The following CNTN5 variants were observed in gnomAD, a reference collection of about 807,000 sequenced individuals.
CNTN5 encodes contactin 5, also known as contactin-5.
CNTN5 carries 77 observed loss-of-function variants against 129.1 expected under a neutral mutation model. That is an observed-to-expected ratio of 0.60 (90% CI 0.50 to 0.72). The LOEUF (loss-of-function observed/expected upper bound fraction) is 0.72. Ranked by LOEUF, CNTN5 falls within the 30% of genes least tolerant of loss-of-function variation. The pLI is 0.00. For missense variants in CNTN5, 1,478 were observed against 1,328.8 expected (o/e 1.11, Z -1.75); for synonymous variants, 509 against 465.6 (o/e 1.09, Z -1.20).
At chr11:99,540,150 C>T (rs531932251) in intron 2 of CNTN5, among the ~76,000 whole-genome samples, 1 of 151,912 alleles carries the variant, frequency 6.6e-6, no homozygotes, top group African/African-American at 2.4e-5. Context: ...AGACAAGATA[C>T]CTGTAGAGTA....
chr11:99,759,229 A>G (rs1944498793), intron 3 of CNTN5, among the ~76,000 whole-genome samples: 1 of 152,062 alleles, frequency 6.6e-6, no homozygotes, highest in South Asian at 2.1e-4. Context: ...TCATGAGGGG[A>G]AGGTGTGTGT....
rs1194864436 is a variant in CNTN5, at chr11:99,765,862, C to A, written c.56-53682C>A. Among the ~76,000 whole-genome samples the A allele has an allele frequency of 2.6e-5, 4 of 151,824 alleles. No individual in the cohort carries two copies. The East Asian group carries it at 7.7e-4, about 29-fold the overall frequency. Reference sequence around the variant, plus strand: ...GATATGAAGAACATGGATCTGTATTCTGGTGACATTAAATAAGAGTAGCCT... The same window carrying A: ...GATATGAAGAACATGGATCTGTATTATGGTGACATTAAATAAGAGTAGCCT... On this transcript the variant is annotated intron_variant, in intron 3 of 24. Transcript: ENST00000524871.
intron 13 of CNTN5, among the ~76,000 whole-genome samples, chr11:100,123,841 G>A (rs1182583013): frequency 6.6e-6 from 1 of 151,862 alleles, no homozygotes; most frequent in Non-Finnish European, 1.5e-5. Context: ...GTACTCACTA[G>A]GGTTAAGGTA....
At chr11:99,873,321 C>T (rs1948551184) in intron 6 of CNTN5, among the ~76,000 whole-genome samples, 1 of 150,994 alleles carries the variant, frequency 6.6e-6, no homozygotes, top group African/African-American at 2.4e-5. Flanking sequence ...AAAATGATGC[C>T]TCAGGATAAA....
chr11:99,248,419 T>G (rs1457320391), intron 1 of CNTN5, among the ~76,000 whole-genome samples: 1 of 152,220 alleles, frequency 6.6e-6, no homozygotes, highest in Non-Finnish European at 1.5e-5. Context: ...GGTGGCCTGT[T>G]CACTCTGATG....
chr11:99,140,777 T>G (rs1459643965), intron 1 of CNTN5, among the ~76,000 whole-genome samples: 2 of 152,176 alleles, frequency 1.3e-5, no homozygotes, highest in Non-Finnish European at 2.9e-5. Context: ...TTAGTTTTGT[T>G]TATGGGATGA....
In CNTN5 at chr11:100,023,071, T is replaced by C. The variant is rs559748303; in HGVS notation, c.980+20935T>C. On this transcript the variant is annotated intron_variant, in intron 9 of 24. Coordinates refer to ENST00000524871, the MANE Select transcript of CNTN5 (RefSeq NM_014361.4). ...AGCCAAAATTTTTGACCATTGTTTT[T>C]TCAAGGAAGTTTTTCTATTCTCCTG... 1.3e-3 allele frequency among the ~76,000 whole-genome samples: 193 copies of C among 152,296 alleles called. 1 individual carries two copies. The highest frequency in any genetic ancestry group is 4.5e-3 in the African/African-American group (188 of 41,578).
At chr11:99,432,439 C>CTTTTCTTTTCTTTTCTTTTCTTTT (rs1943412174) in intron 2 of CNTN5, among the ~76,000 whole-genome samples, 34 of 113,288 alleles carry the variant, frequency 3.0e-4, no homozygotes, top group African/African-American at 1.0e-3. Context: ...CCTTTTCTTT[C>CTTTTCTTTTCTTTTCTTTTCTTTT]CTTTTCTTTT....
At chr11:99,912,388 C>T (rs965946490) in intron 6 of CNTN5, among the ~76,000 whole-genome samples, 24 of 151,918 alleles carry the variant, frequency 1.6e-4, no homozygotes, top group African/African-American at 5.6e-4. Flanking sequence ...GTGACCCAGA[C>T]TCCTGTGAGC....
chr11:99,844,842 G>A lies in CNTN5; in HGVS notation c.278-10G>A, dbSNP rs199762583. 4.4e-6 allele frequency: 7 copies of A among 1,606,726 alleles called. No homozygotes were observed. Among genetic ancestry groups the A allele is most frequent in the Non-Finnish European group, 5.9e-6 (7 of 1,177,012 alleles). ...AGGAAATTTAAAATGTGTCTGTTTT[G>A]TCTTTACAGAAAGTGTGGACTATGG... On this transcript the variant is annotated splice_polypyrimidine_tract_variant and intron_variant, in intron 4 of 24. Transcript: ENST00000524871.
intron 1 of CNTN5, among the ~76,000 whole-genome samples, chr11:99,190,798 A>T (rs1455085689): frequency 6.6e-6 from 1 of 151,408 alleles, no homozygotes; most frequent in African/African-American, 2.4e-5. Context: ...TGGAGTCTTT[A>T]GGGATTTCTA....
intron 6 of CNTN5, among the ~76,000 whole-genome samples, chr11:99,911,401 T>C (rs1465149447): frequency 1.3e-5 from 2 of 151,946 alleles, no homozygotes; most frequent in Admixed American, 1.3e-4. Flanking sequence ...TTGCCACTTA[T>C]TCAGAACAGA....
intron 1 of CNTN5, among the ~76,000 whole-genome samples, chr11:99,085,195 C>A (rs1038124009): frequency 6.6e-6 from 1 of 151,388 alleles, no homozygotes; most frequent in African/African-American, 2.4e-5. Flanking sequence ...CAGGCAGGTA[C>A]CCCCACGCCC....
chr11:100,079,296 A>C (rs375173909), intron 13 of CNTN5, among the ~76,000 whole-genome samples: 119 of 152,308 alleles, frequency 7.8e-4, no homozygotes, highest in African/African-American at 2.6e-3. Flanking sequence ...GGAAATGCTT[A>C]CCATTCTCCT....
chr11:100,087,934 T>C (rs1411567061), intron 13 of CNTN5, among the ~76,000 whole-genome samples: 1 of 151,464 alleles, frequency 6.6e-6, no homozygotes, highest in African/African-American at 2.4e-5. Flanking sequence ...GGAATAAAAA[T>C]AGAAATTAAT....
chr11:99,412,710 T>G (rs1203658882), intron 2 of CNTN5, among the ~76,000 whole-genome samples: 1 of 152,246 alleles, frequency 6.6e-6, no homozygotes, highest in African/African-American at 2.4e-5. Context: ...ACACTCATTG[T>G]GAACTCAATT....
chr11:99,669,441 GGT>G lies in CNTN5; in HGVS notation c.55+113203_55+113204del, dbSNP rs767426378. 8.5e-3 allele frequency among the ~76,000 whole-genome samples: 898 copies of G among 105,964 alleles called. 20 individuals carry two copies. Among genetic ancestry groups the G allele is most frequent in the African/African-American group, 0.024 (717 of 29,542 alleles). 69.5% of individuals were successfully genotyped at this position (105,964 alleles called of 152,430 possible). ...ACTACCTTTTCCAGCTATTAAATAT[GGT>G]GTGTGTGTGTGTGTGTGTGTGTGTG... On this transcript the variant is annotated intron_variant, in intron 3 of 24. Coordinates refer to ENST00000524871, the MANE Select transcript of CNTN5 (RefSeq NM_014361.4).
intron 9 of CNTN5, among the ~76,000 whole-genome samples, chr11:100,044,878 T>C (rs1183450180): frequency 1.3e-5 from 2 of 152,124 alleles, no homozygotes; most frequent in Non-Finnish European, 2.9e-5. Flanking sequence ...AGAAAAGTTA[T>C]ACTGAGGAGT....
chr11:100,111,906 G>T (rs1945669869), intron 13 of CNTN5, among the ~76,000 whole-genome samples: 1 of 152,120 alleles, frequency 6.6e-6, no homozygotes, highest in South Asian at 2.1e-4. Flanking sequence ...TCCTGTGTTT[G>T]GTGAATTTAG....
Sources: gnomAD v4.1 joint callset for allele counts (sites outside exome capture counted in the v4.1 genomes callset) on GRCh38, gnomAD v4.1.1 for gene constraint, MANE v1.5 for transcripts, NCBI Gene and HGNC (gene_info 2026-07-23, HGNC 2026-07-21) for gene names.